The following C2CD3 variants were observed in gnomAD, a reference collection of about 807,000 sequenced individuals.
The protein encoded by C2CD3 is C2 domain containing 3 centriole elongation regulator.
A neutral mutation model predicts 234.0 loss-of-function variants in C2CD3; 148 were observed. The observed-to-expected ratio is 0.63, with a 90% confidence interval of 0.55 to 0.72. The LOEUF (loss-of-function observed/expected upper bound fraction) is 0.72. Ranked by LOEUF, C2CD3 falls within the 30% of genes least tolerant of loss-of-function variation. C2CD3 has a pLI of 0.00. For synonymous variants in C2CD3, 1,000 were observed against 1,035.4 expected (o/e 0.97, Z 0.66); for missense variants, 2,577 against 2,811.5 (o/e 0.92, Z 1.89).
In C2CD3 at chr11:74,122,843, A is replaced by G. The variant is rs866905352; in HGVS notation, c.1365+145T>C. On this transcript the variant is annotated intron_variant, in intron 8 of 32. Transcript: ENST00000334126. ...CTAGGCCTGTCTCAACATCTGTAAA[A>G]TGAAGATAATACTTTCCTCTTGAGG... The G allele has an allele frequency of 1.5e-4, 91 of 609,578 alleles. No homozygotes were observed. In the Middle Eastern group the frequency reaches 1.8e-3, roughly 12 times the overall value. 37.8% of individuals were successfully genotyped at this position (609,578 alleles called of 1,614,324 possible).
At chr11:74,091,544 G>A (rs746903971) in intron 19 of C2CD3, among the ~76,000 whole-genome samples, 5 of 152,182 alleles carry the variant, frequency 3.3e-5, no homozygotes, top group Non-Finnish European at 5.9e-5. Flanking sequence ...GCTAAACTTC[G>A]TTATCTGATG....
chr11:74,123,188 A>C (rs1463167379), intron 7 of C2CD3, 53 bp from the exon 8 acceptor site: 2 of 1,365,632 alleles, frequency 1.5e-6, no homozygotes, highest in African/African-American at 2.9e-5. Context: ...TTTCAGCTGA[A>C]CTATTCTCTC....
In C2CD3 at chr11:74,033,837, TC is replaced by T; in HGVS notation, c.6322del (p.Glu2108LysfsTer123). On this transcript the variant is annotated frameshift_variant, in exon 31 of 33. Transcript: ENST00000334126. LOFTEE classifies it high-confidence loss of function. Reference sequence around the variant, plus strand: ...CCCTGGAGAAGGACAAGAGGGGCCTTCCCTCTGCACCTCGTCAGGCTGAGGG... The same window carrying T: ...CCCTGGAGAAGGACAAGAGGGGCCTTCCTCTGCACCTCGTCAGGCTGAGGG... ...ISPQPDEVQR[E>X]GPSCPSPGPF... 1 of 1,536,132 alleles carries T rather than the reference TC, an allele frequency of 6.5e-7. No homozygotes were observed. Among genetic ancestry groups the T allele is most frequent in the Non-Finnish European group, 8.7e-7 (1 of 1,146,868 alleles).
At chr11:74,089,732 A>C (rs1955804387) in intron 20 of C2CD3, among the ~76,000 whole-genome samples, 1 of 152,204 alleles carries the variant, frequency 6.6e-6, no homozygotes, top group African/African-American at 2.4e-5. Context: ...CTCAGGCAGT[A>C]TCTCTGACTA....
intron 3 of C2CD3, among the ~76,000 whole-genome samples, chr11:74,160,058 A>G (rs1856346121): frequency 6.6e-6 from 1 of 152,204 alleles, no homozygotes; most frequent in African/African-American, 2.4e-5. Context: ...GTGTTACAAC[A>G]GTATTCAGTA....
chr11:74,127,798 A>T (rs907174297), intron 7 of C2CD3, among the ~76,000 whole-genome samples: 1 of 152,044 alleles, frequency 6.6e-6, no homozygotes, highest in Non-Finnish European at 1.5e-5. Flanking sequence ...AGTGGGTGTG[A>T]AGTAGTATCT....
At chr11:74,060,055 C>A (rs1348044527) in intron 24 of C2CD3, among the ~76,000 whole-genome samples, 1 of 152,184 alleles carries the variant, frequency 6.6e-6, no homozygotes, top group Admixed American at 6.5e-5. Flanking sequence ...TGCAAGGTGG[C>A]AGTGAGGCTG....
chr11:74,028,331 GC>G lies in C2CD3; in HGVS notation c.6876del (p.Met2292IlefsTer66). ...GGTGGCAAAGTTGCTGAGAGTGAAA[GC>G]ATCCGCAGGGAAGCCTCCAACTGCT... Reference protein sequence around the residue: ...PPQQLEASLRMLSLSATLPPA... With the variant: ...PPQQLEASLRXLSLSATLPPA... On this transcript the variant is annotated frameshift_variant, in exon 32 of 33. Coordinates refer to ENST00000334126, the MANE Select transcript of C2CD3 (RefSeq NM_001286577.2). LOFTEE classifies it high-confidence loss of function. 6.5e-7 allele frequency: 1 copy of G among 1,536,088 alleles called. No individual in the cohort carries two copies. Among genetic ancestry groups the G allele is most frequent in the Non-Finnish European group, 8.7e-7 (1 of 1,146,886 alleles).
At chr11:74,043,102 A>G (rs1953154417) in intron 28 of C2CD3, among the ~76,000 whole-genome samples, 1 of 152,192 alleles carries the variant, frequency 6.6e-6, no homozygotes, top group South Asian at 2.1e-4. Context: ...TCAGTTTTAG[A>G]ACATTTTTAC....
intron 17 of C2CD3, 53 bp downstream of exon 17, chr11:74,095,175 T>C: frequency 1.6e-6 from 2 of 1,242,038 alleles, no homozygotes; most frequent in Non-Finnish European, 2.2e-6. Context: ...CTCTTAAGTA[T>C]AATCTAATAA....
intron 5 of C2CD3, 39 bp downstream of exon 5, chr11:74,138,681 C>A: frequency 6.5e-7 from 1 of 1,545,782 alleles, no homozygotes; most frequent in Admixed American, 1.7e-5. Context: ...ATCCCATAAA[C>A]GTAGTTTAGT....
At position 74,113,853 on chromosome 11, in the gene C2CD3, C is replaced by T. The variant is rs145509571; in HGVS notation, c.1770G>A (p.Ser590=). 186 of 1,605,942 alleles carry T rather than the reference C, an allele frequency of 1.2e-4. No individual in the cohort carries two copies. The highest frequency in any genetic ancestry group is 1.5e-4 in the Non-Finnish European group (178 of 1,177,714). The change falls in exon 11 of 33, where the codon TCG becomes TCA. Residue 590 remains serine, a synonymous_variant. Coordinates refer to ENST00000334126, the MANE Select transcript of C2CD3 (RefSeq NM_001286577.2). The part of the protein sequence containing the change: ...FVEYHFPVGF[S]ESGLGKTALI... ...AAGCTGTCTTTCCCAATCCGCTTTCCGAAAAGCCCACAGGAAAGTGATATT... is the reference window on the plus strand; with the variant it reads ...AAGCTGTCTTTCCCAATCCGCTTTCTGAAAAGCCCACAGGAAAGTGATATT...
intron 28 of C2CD3, among the ~76,000 whole-genome samples, chr11:74,045,025 G>A (rs113778352): frequency 8.6e-5 from 13 of 151,874 alleles, no homozygotes; most frequent in African/African-American, 3.1e-4. Flanking sequence ...TTACTCCTCT[G>A]CTTCCTAGGA....
chr11:74,070,856 G>A (rs1281978120), intron 24 of C2CD3: 1 of 151,760 alleles, frequency 6.6e-6, no homozygotes, highest in Non-Finnish European at 1.5e-5. Flanking sequence ...CCAAGCTTTT[G>A]AGCATGCTGT....
At chr11:74,131,178 C>T (rs1957664936) in intron 7 of C2CD3, among the ~76,000 whole-genome samples, 1 of 151,356 alleles carries the variant, frequency 6.6e-6, no homozygotes. Context: ...TATGGTGAGG[C>T]CAGGTGCGGT....
intron 7 of C2CD3, among the ~76,000 whole-genome samples, chr11:74,130,479 C>T (rs1208800853): frequency 6.6e-6 from 1 of 152,140 alleles, no homozygotes; most frequent in Non-Finnish European, 1.5e-5. Flanking sequence ...AATGACCCTA[C>T]TGCCTCAGCC....
chr11:74,093,172 A>G (rs1220687724), intron 18 of C2CD3, among the ~76,000 whole-genome samples: 4 of 150,888 alleles, frequency 2.7e-5, no homozygotes, highest in South Asian at 2.1e-4. Flanking sequence ...CTTTCCTCTT[A>G]TATTTATACT....
chr11:74,103,934 C>T (rs2135497458), intron 13 of C2CD3, among the ~76,000 whole-genome samples: 1 of 152,218 alleles, frequency 6.6e-6, no homozygotes, highest in Middle Eastern at 3.4e-3. Context: ...CTCCCACTGG[C>T]TAAATCTAGG....
At chr11:74,069,962 C>T (rs1389184053) in intron 24 of C2CD3, among the ~76,000 whole-genome samples, 1 of 152,170 alleles carries the variant, frequency 6.6e-6, no homozygotes, top group Non-Finnish European at 1.5e-5. Flanking sequence ...AAGATAAAGA[C>T]TATGCTAAAA....
Sources: gnomAD v4.1 joint callset for allele counts (sites outside exome capture counted in the v4.1 genomes callset) on GRCh38, gnomAD v4.1.1 for gene constraint, MANE v1.5 for transcripts, NCBI Gene and HGNC (gene_info 2026-07-23, HGNC 2026-07-21) for gene names.